The following PCDHA6 variants were observed in gnomAD, a reference collection of about 807,000 sequenced individuals.
PCDHA6 encodes protocadherin alpha-6.
Under a neutral mutation model 60.3 loss-of-function variants are expected in PCDHA6, and 55 were observed. The observed-to-expected ratio is 0.91, with a 90% CI of 0.73 to 1.14. The LOEUF (loss-of-function observed/expected upper bound fraction) is 1.14. PCDHA6 is among the 50% of genes most tolerant of loss of function. The pLI, the probability that PCDHA6 is intolerant of heterozygous loss-of-function variation, is 0.00. For synonymous variants in PCDHA6, 652 were observed against 557.9 expected (o/e 1.17, Z -2.38); for missense variants, 1,327 against 1,256.5 (o/e 1.06, Z -0.85).
At chr5:140,917,325 G>A (rs2078036694) in intron 1 of PCDHA6, among the ~76,000 whole-genome samples, 2 of 131,364 alleles carry the variant, frequency 1.5e-5, no homozygotes, top group East Asian at 2.1e-4. Context: ...TTCATGTGGC[G>A]GGGGAGGGGG....
chr5:140,912,261 C>T (rs2075834049), intron 1 of PCDHA6, among the ~76,000 whole-genome samples: 2 of 152,116 alleles, frequency 1.3e-5, no homozygotes, highest in Non-Finnish European at 2.9e-5. Context: ...TTGATGACAC[C>T]CTCACAGATA....
intron 1 of PCDHA6, among the ~76,000 whole-genome samples, chr5:140,898,648 G>T (rs1436511217): frequency 8.5e-5 from 13 of 152,136 alleles, no homozygotes; most frequent in African/African-American, 3.1e-4. Context: ...TGTTCTTTTG[G>T]CTTAGGATTG....
intron 1 of PCDHA6, chr5:140,927,044 C>T (rs1337649079): frequency 6.2e-7 from 1 of 1,612,210 alleles, no homozygotes; most frequent in Non-Finnish European, 8.5e-7. Flanking sequence ...GCCGCTATGT[C>T]CTCGCGGAAC....
At chr5:140,962,270 A>T (rs2095668540) in intron 1 of PCDHA6, among the ~76,000 whole-genome samples, 1 of 152,210 alleles carries the variant, frequency 6.6e-6, no homozygotes, top group African/African-American at 2.4e-5. Context: ...TTTATAATTT[A>T]AAAAACCTCA....
At chr5:140,847,164 T>C (rs1780885642) in intron 1 of PCDHA6, among the ~76,000 whole-genome samples, 1 of 149,534 alleles carries the variant, frequency 6.7e-6, no homozygotes, top group Non-Finnish European at 1.5e-5. Flanking sequence ...TTCTGAGTAA[T>C]AAACTAAAGG....
chr5:140,966,578 G>A, intron 1 of PCDHA6: 1 of 527,316 alleles, frequency 1.9e-6, no homozygotes, highest in Non-Finnish European at 3.1e-6. Context: ...GGGAGTCAGC[G>A]AGGACGGTGG....
chr5:140,946,216 C>T (rs1361042644), intron 1 of PCDHA6, among the ~76,000 whole-genome samples: 1 of 151,868 alleles, frequency 6.6e-6, no homozygotes, highest in Non-Finnish European at 1.5e-5. Flanking sequence ...AAATGACCAA[C>T]AGGTATACTA....
chr5:140,856,991 T>C, intron 1 of PCDHA6: 1 of 1,595,770 alleles, frequency 6.3e-7, no homozygotes, highest in Non-Finnish European at 8.6e-7. Flanking sequence ...CAGTAACACT[T>C]ATGAAATTCA....
chr5:140,836,596 C>G, intron 1 of PCDHA6: 1 of 1,613,764 alleles, frequency 6.2e-7, no homozygotes, highest in South Asian at 1.1e-5. Context: ...GTAAAGCCCA[C>G]TCTGGTGTGC....
At chr5:140,940,349 C>T (rs1437069133) in intron 1 of PCDHA6, among the ~76,000 whole-genome samples, 14 of 152,156 alleles carry the variant, frequency 9.2e-5, no homozygotes, top group African/African-American at 2.9e-4. Flanking sequence ...GTGTGTCCAA[C>T]ATGCTATTAA....
intron 1 of PCDHA6, chr5:140,836,178 G>C (rs2150254808): frequency 6.2e-7 from 1 of 1,613,826 alleles, no homozygotes. Flanking sequence ...TGCAGTTGAC[G>C]CTGACTCAGG....
intron 1 of PCDHA6, among the ~76,000 whole-genome samples, chr5:140,946,098 A>G (rs1249581075): frequency 6.6e-6 from 1 of 152,114 alleles, no homozygotes; most frequent in Non-Finnish European, 1.5e-5. Flanking sequence ...AGGAGTTAAC[A>G]TACCAAATAT....
intron 1 of PCDHA6, among the ~76,000 whole-genome samples, chr5:140,888,038 T>C (rs1195921370): frequency 3.3e-5 from 5 of 152,238 alleles, no homozygotes; most frequent in Non-Finnish European, 7.3e-5. Context: ...TATTAGTACA[T>C]GTATAATAGA....
At chr5:140,983,184 T>C (rs1367703446) in intron 3 of PCDHA6, among the ~76,000 whole-genome samples, 2 of 152,192 alleles carry the variant, frequency 1.3e-5, no homozygotes, top group Non-Finnish European at 2.9e-5. Flanking sequence ...CACAATTTCT[T>C]AGTTTAGAGG....
At position 140,830,284 on chromosome 5, in the gene PCDHA6, G is replaced by C. The variant is rs2150184332; in HGVS notation, c.2193G>C (p.Ala731=). ...LRCSAPPTEG[A]CTADKPTLVC... is the part of the protein sequence containing the mutation. Reference sequence around the variant, plus strand: ...GCTCGGCGCCACCCACCGAGGGCGCGTGCACGGCGGACAAGCCCACGCTGG... The same window carrying C: ...GCTCGGCGCCACCCACCGAGGGCGCCTGCACGGCGGACAAGCCCACGCTGG... Residue 731 remains alanine, a synonymous_variant, in exon 1 of 4, where the codon GCG becomes GCC. Coordinates refer to ENST00000529310, the MANE Select transcript of PCDHA6 (RefSeq NM_018909.4). The C allele has an allele frequency of 6.2e-7, 1 of 1,613,852 alleles. No individual in the cohort carries two copies. Among genetic ancestry groups the C allele is most frequent in the Admixed American group, 1.7e-5 (1 of 60,000 alleles).
intron 3 of PCDHA6, among the ~76,000 whole-genome samples, chr5:140,992,857 C>G (rs1234991129): frequency 6.6e-6 from 1 of 152,148 alleles, no homozygotes; most frequent in African/African-American, 2.4e-5. Context: ...ACCAGTTTCA[C>G]TCTAGCTCCC....
intron 1 of PCDHA6, chr5:140,834,834 C>G (rs1580793449): frequency 6.2e-7 from 1 of 1,611,936 alleles, no homozygotes; most frequent in Non-Finnish European, 8.5e-7. Flanking sequence ...GCTTGACTCT[C>G]GGTTTCCACT....
chr5:140,939,349 TA>T (rs1233387801), intron 1 of PCDHA6, among the ~76,000 whole-genome samples: 4 of 152,154 alleles, frequency 2.6e-5, no homozygotes, highest in Admixed American at 6.5e-5. Context: ...CATTTCAACT[TA>T]TGATTGCAAA....
chr5:140,847,482 A>G (rs1283020613), intron 1 of PCDHA6: 1 of 149,956 alleles, frequency 6.7e-6, no homozygotes, highest in Non-Finnish European at 1.5e-5. Flanking sequence ...TTGGAATAAG[A>G]TAGTAAAACT....
Sources: allele counts gnomAD v4.1 joint callset (sites outside exome capture counted in the v4.1 genomes callset), GRCh38; gene constraint gnomAD v4.1.1; transcripts MANE v1.5; gene names NCBI Gene and HGNC (gene_info 2026-07-23, HGNC 2026-07-21).